Variants in SLC16A5 observed in about 807,000 individuals in gnomAD.
The protein encoded by SLC16A5 is monocarboxylate transporter 6.
A neutral mutation model predicts 33.2 loss-of-function variants in SLC16A5; 29 were observed. That is an observed-to-expected ratio of 0.87 (90% CI 0.65 to 1.19). The LOEUF (loss-of-function observed/expected upper bound fraction) is 1.19. Ranked by LOEUF, SLC16A5 falls within the 50% of genes most tolerant of loss-of-function variation. The pLI is 0.00. For synonymous variants in SLC16A5, 248 were observed against 284.1 expected, an observed-to-expected ratio of 0.87 and a Z score of 1.28; for missense variants, 606 against 678.2, an observed-to-expected ratio of 0.89 and a Z score of 1.18.
downstream of SLC16A5, among the ~76,000 whole-genome samples, chr17:75,108,002 G>A (rs763549411): frequency 6.6e-6 from 1 of 152,134 alleles, no homozygotes; most frequent in Non-Finnish European, 1.5e-5. Flanking sequence ...TACTCGGGAG[G>A]CTGAGGCAGG....
At chr17:75,106,632 C>G (rs1316579529), downstream of SLC16A5, among the ~76,000 whole-genome samples, 1 of 148,634 alleles carries the variant, frequency 6.7e-6, no homozygotes, top group Non-Finnish European at 1.5e-5. Flanking sequence ...TGGTGGCTCA[C>G]GCCTGTAATC....
intron 4 of SLC16A5, among the ~76,000 whole-genome samples, chr17:75,098,927 G>T (rs910463409): frequency 6.6e-6 from 1 of 152,092 alleles, no homozygotes; most frequent in Non-Finnish European, 1.5e-5. Flanking sequence ...GTGTTGGGGG[G>T]CACAGAGGAA....
chr17:75,107,923 C>T (rs920998986), downstream of SLC16A5, among the ~76,000 whole-genome samples: 2 of 151,078 alleles, frequency 1.3e-5, no homozygotes, highest in South Asian at 2.1e-4. Context: ...GGTGACAGAG[C>T]GAGACACTGT....
upstream of SLC16A5, among the ~76,000 whole-genome samples, chr17:75,087,429 G>A (rs1016845692): frequency 3.3e-5 from 5 of 152,106 alleles, no homozygotes; most frequent in African/African-American, 7.2e-5. Flanking sequence ...ACCTGAAAAG[G>A]GCCTGTAGTT....
At chr17:75,103,089 C>T (rs1395845153) in intron 5 of SLC16A5, among the ~76,000 whole-genome samples, 1 of 152,176 alleles carries the variant, frequency 6.6e-6, no homozygotes, top group Non-Finnish European at 1.5e-5. Context: ...TGGGGTTTCA[C>T]TGTATTGGCC....
chr17:75,107,966 C>T (rs2073875066), downstream of SLC16A5, among the ~76,000 whole-genome samples: 1 of 151,462 alleles, frequency 6.6e-6, no homozygotes, highest in Admixed American at 6.6e-5. Flanking sequence ...TAGCTGGGTG[C>T]AGTGGTGCGT....
chr17:75,099,119 G>A lies in SLC16A5; in HGVS notation c.344-888G>A, dbSNP rs976412655. On this transcript the variant is annotated intron_variant, in intron 4 of 6. Coordinates refer to ENST00000329783, the MANE Select transcript of SLC16A5 (RefSeq NM_004695.4). ...GTGGGGAGCGGGGAAGGCCCCTCTG[G>A]AGAGGTGGCGTCTGAACTGAGAGGA... 3.9e-5 allele frequency among the ~76,000 whole-genome samples: 6 copies of A among 152,318 alleles called. No individual in the cohort carries two copies. In the South Asian group the frequency reaches 1.2e-3, roughly 32 times the overall value.
At chr17:75,091,179 G>T (rs2073632804) in intron 2 of SLC16A5, among the ~76,000 whole-genome samples, 1 of 152,162 alleles carries the variant, frequency 6.6e-6, no homozygotes, top group Non-Finnish European at 1.5e-5. Context: ...GGGAGGAAGA[G>T]GTGAGAGTAT....
At chr17:75,100,962 G>T in intron 5 of SLC16A5, 146 bp downstream of exon 5, 2 of 850,004 alleles carry the variant, frequency 2.4e-6, no homozygotes, top group Non-Finnish European at 1.8e-6. Context: ...TAAAAACATG[G>T]GTTTGGCCCG....
intron 2 of SLC16A5, among the ~76,000 whole-genome samples, chr17:75,090,618 G>A (rs919728877): frequency 4.0e-5 from 6 of 151,678 alleles, no homozygotes; most frequent in Non-Finnish European, 8.8e-5. Flanking sequence ...GCCCCACCAC[G>A]CCCGGCTAAT....
At chr17:75,104,798 G>A (rs1468212201) in intron 6 of SLC16A5, 50 of 985,238 alleles carry the variant, frequency 5.1e-5, no homozygotes, top group Non-Finnish European at 5.9e-5. Context: ...CAGGCCCTCC[G>A]GACTTTTTTC....
At chr17:75,104,907 C>T (rs2073844827) in intron 6 of SLC16A5, 9 of 985,464 alleles carry the variant, frequency 9.1e-6, no homozygotes, top group Non-Finnish European at 9.6e-6. Context: ...GTTGCTGCTC[C>T]TACAGCTCAA....
intron 3 of SLC16A5, among the ~76,000 whole-genome samples, 181 bp downstream of exon 3, chr17:75,094,016 G>A (rs1445395950): frequency 6.6e-6 from 1 of 152,242 alleles, no homozygotes. Context: ...CTGGGCTGGA[G>A]CCGGGGAGAG....
chr17:75,090,507 C>T (rs1390315383), intron 2 of SLC16A5, among the ~76,000 whole-genome samples: 1 of 147,920 alleles, frequency 6.8e-6, no homozygotes, highest in Non-Finnish European at 1.5e-5. Context: ...GTTGCCCAGG[C>T]TGGAGTGTAG....
downstream of SLC16A5, among the ~76,000 whole-genome samples, chr17:75,106,428 T>C (rs968712096): frequency 6.6e-6 from 1 of 151,994 alleles, no homozygotes; most frequent in Non-Finnish European, 1.5e-5. Context: ...GTGCATCCCG[T>C]AATGAGCCCA....
intron 1 of SLC16A5, chr17:75,088,824 G>C (rs911147959): frequency 2.0e-5 from 3 of 152,248 alleles, no homozygotes; most frequent in Non-Finnish European, 4.4e-5. Flanking sequence ...AGGCGTTCGA[G>C]CTCCAGGGGC....
chr17:75,097,105 C>G (rs932873148), intron 3 of SLC16A5, among the ~76,000 whole-genome samples: 1 of 152,212 alleles, frequency 6.6e-6, no homozygotes, highest in South Asian at 2.1e-4. Flanking sequence ...GGATTACAGG[C>G]GTGAGCCACC....
At chr17:75,107,291 G>T (rs1338023885), downstream of SLC16A5, among the ~76,000 whole-genome samples, 1 of 150,908 alleles carries the variant, frequency 6.6e-6, no homozygotes, top group African/African-American at 2.4e-5. Flanking sequence ...CAGAGACCTT[G>T]TCCCCCCTTC....
Position 75,104,117 on chromosome 17 carries a change from T to G in SLC16A5, c.1301T>G (p.Leu434Arg), listed in dbSNP as rs945984422. 14 of 1,614,086 alleles carry G rather than the reference T, an allele frequency of 8.7e-6. No individual in the cohort carries two copies. The highest frequency in any genetic ancestry group is 1.1e-5 in the Non-Finnish European group (13 of 1,180,052). ...QGKQAVAADA[L>R]ERDLFLEAKD... ...AAGCAGGCTGTCGCGGCGGATGCCC[T>G]GGAGCGGGATCTTTTCTTGGAAGCC... The change falls in exon 6 of 7, where the codon CTG becomes CGG. Residue 434 changes from leucine (L) to arginine (R), a missense_variant. Transcript: ENST00000329783.
Sources: allele counts gnomAD v4.1 joint callset (sites outside exome capture counted in the v4.1 genomes callset), GRCh38; gene constraint gnomAD v4.1.1; transcripts MANE v1.5; gene names NCBI Gene and HGNC (gene_info 2026-07-23, HGNC 2026-07-21).